The following MVB12B variants were observed in gnomAD, a reference collection of about 807,000 sequenced individuals.
MVB12B encodes ESCRT-I complex subunit MVB12B.
A neutral mutation model predicts 41.6 loss-of-function variants in MVB12B; 16 were observed. That is an observed-to-expected ratio of 0.38 (90% CI 0.26 to 0.58). MVB12B has a LOEUF of 0.58. MVB12B is among the 20% of genes least tolerant of loss of function. The pLI is 0.62. For synonymous variants in MVB12B, 133 were observed against 139.7 expected, an observed-to-expected ratio of 0.95 and a Z score of 0.34; for missense variants, 274 against 380.2, an observed-to-expected ratio of 0.72 and a Z score of 2.32.
intron 9 of MVB12B, among the ~76,000 whole-genome samples, chr9:126,496,558 G>A (rs1548788): frequency 0.26 from 39,315 of 150,822 alleles, 6,289 homozygotes; most frequent in African/African-American, 0.45. Flanking sequence ...TGAGCATGAG[G>A]AGGGTATAGA....
At chr9:126,406,724 G>A (rs370589924) in intron 6 of MVB12B, among the ~76,000 whole-genome samples, 4 of 152,100 alleles carry the variant, frequency 2.6e-5, no homozygotes, top group Non-Finnish European at 5.9e-5. Flanking sequence ...ATGGGAGGTC[G>A]GTGTTTTGGC....
intron 2 of MVB12B, among the ~76,000 whole-genome samples, chr9:126,350,096 T>C (rs1277165566): frequency 6.6e-6 from 1 of 152,240 alleles, no homozygotes; most frequent in Non-Finnish European, 1.5e-5. Context: ...TAATGAATGA[T>C]GTTGAACATC....
At chr9:126,404,831 T>C (rs1831372468) in intron 6 of MVB12B, among the ~76,000 whole-genome samples, 1 of 152,222 alleles carries the variant, frequency 6.6e-6, no homozygotes, top group Non-Finnish European at 1.5e-5. Flanking sequence ...GAGAGTGGCA[T>C]GAAAGAGACC....
chr9:126,350,383 G>A (rs1171489008), intron 2 of MVB12B, among the ~76,000 whole-genome samples: 1 of 152,072 alleles, frequency 6.6e-6, no homozygotes, highest in African/African-American at 2.4e-5. Context: ...TCATGTTTTG[G>A]TGTCAAGTCT....
At chr9:126,382,438 G>A (rs1343154376) in intron 3 of MVB12B, among the ~76,000 whole-genome samples, 1 of 152,224 alleles carries the variant, frequency 6.6e-6, no homozygotes, top group African/African-American at 2.4e-5. Context: ...TTATAATGGA[G>A]TCAGGGGAAA....
intron 2 of MVB12B, among the ~76,000 whole-genome samples, chr9:126,342,332 A>G (rs1829467711): frequency 6.6e-6 from 1 of 152,090 alleles, no homozygotes; most frequent in Non-Finnish European, 1.5e-5. Flanking sequence ...TATCTTTAGC[A>G]TTCCGTTTGT....
chr9:126,397,305 C>T, intron 6 of MVB12B: 1 of 985,452 alleles, frequency 1.0e-6, no homozygotes, highest in Non-Finnish European at 1.2e-6. Context: ...CTCTCAGAAG[C>T]CTGCTGGTGA....
chr9:126,485,877 T>A (rs1373257720), intron 9 of MVB12B, among the ~76,000 whole-genome samples: 5 of 152,180 alleles, frequency 3.3e-5, no homozygotes, highest in Non-Finnish European at 7.3e-5. Flanking sequence ...GCTTCTCTTC[T>A]GTAGAGCGGG....
At chr9:126,454,103 C>T (rs1832933930) in intron 7 of MVB12B, among the ~76,000 whole-genome samples, 1 of 152,226 alleles carries the variant, frequency 6.6e-6, no homozygotes, top group Admixed American at 6.5e-5. Context: ...CATTTTAAAA[C>T]CTGCTTTCTG....
Position 126,395,601 on chromosome 9 carries a change from A to G in MVB12B, c.566A>G (p.Tyr189Cys). The change falls in exon 6 of 10, where the codon TAT becomes TGT. Residue 189 changes from tyrosine to cysteine, a missense_variant. Coordinates refer to ENST00000361171, the MANE Select transcript of MVB12B (RefSeq NM_033446.3). The surrounding 1 kb of genome is among the most constrained non-coding windows in gnomAD (Gnocchi z 4.9). Reference protein sequence around the residue: ...IGELNSMGIWYRMGRVPRNHD... With the variant: ...IGELNSMGIWCRMGRVPRNHD... ...GAACTGAACAGCATGGGGATCTGGT[A>G]TCGAATGGGCAGAGTACCAAGAAAT... 2 of 1,614,218 alleles carry G rather than the reference A, an allele frequency of 1.2e-6. No individual in the cohort carries two copies. The highest frequency in any genetic ancestry group is 8.5e-7 in the Non-Finnish European group (1 of 1,180,034).
intron 7 of MVB12B, among the ~76,000 whole-genome samples, chr9:126,435,015 C>G (rs1451995229): frequency 6.6e-6 from 1 of 151,974 alleles, no homozygotes; most frequent in Non-Finnish European, 1.5e-5. Flanking sequence ...ACTGGTTCAC[C>G]CTTTTGTATC....
At chr9:126,454,673 T>C (rs754170878) in intron 7 of MVB12B, among the ~76,000 whole-genome samples, 6 of 152,250 alleles carry the variant, frequency 3.9e-5, no homozygotes, top group Non-Finnish European at 8.8e-5. Context: ...ATAAGTGAGA[T>C]GGAAGTGAAT....
chr9:126,453,232 G>T (rs752164917), intron 7 of MVB12B, among the ~76,000 whole-genome samples: 12 of 152,158 alleles, frequency 7.9e-5, no homozygotes, highest in Non-Finnish European at 1.3e-4. Context: ...CCCCACAGAC[G>T]TGCCACCTCC....
chr9:126,371,187 A>G (rs1369620043), intron 2 of MVB12B, among the ~76,000 whole-genome samples: 2 of 152,196 alleles, frequency 1.3e-5, no homozygotes, highest in Non-Finnish European at 2.9e-5. Flanking sequence ...GACCAGCCGC[A>G]AGGCAACCTC....
At chr9:126,463,713 A>G (rs1400694894) in intron 7 of MVB12B, among the ~76,000 whole-genome samples, 2 of 152,114 alleles carry the variant, frequency 1.3e-5, no homozygotes, top group African/African-American at 2.4e-5. Context: ...TCCATCCCCA[A>G]TTCTCTGGGC....
At chr9:126,455,835 C>T (rs1252488000) in intron 7 of MVB12B, among the ~76,000 whole-genome samples, 1 of 150,614 alleles carries the variant, frequency 6.6e-6, no homozygotes, top group African/African-American at 2.4e-5. Context: ...GTTTTGCTGT[C>T]GTGGTGGTTC....
At chr9:126,414,779 C>A (rs1831760606) in intron 6 of MVB12B, among the ~76,000 whole-genome samples, 1 of 151,998 alleles carries the variant, frequency 6.6e-6, no homozygotes, top group Admixed American at 6.5e-5. Flanking sequence ...AAACTGCTGT[C>A]CATAAGTGCA....
chr9:126,329,075 G>A (rs891794835), intron 1 of MVB12B, among the ~76,000 whole-genome samples: 14 of 152,052 alleles, frequency 9.2e-5, no homozygotes, highest in African/African-American at 3.1e-4. Context: ...GAGCCACCAC[G>A]CCTGGCCTAT....
intron 7 of MVB12B, among the ~76,000 whole-genome samples, chr9:126,465,477 C>T (rs1041372854): frequency 1.3e-5 from 2 of 152,158 alleles, no homozygotes; most frequent in Non-Finnish European, 2.9e-5. Flanking sequence ...AACCCTTTTA[C>T]TCTCAGATGG....
Sources: gnomAD v4.1 joint callset for allele counts (sites outside exome capture counted in the v4.1 genomes callset) on GRCh38, gnomAD v4.1.1 for gene constraint, Gnocchi (gnomAD v3.1) non-coding constraint, MANE v1.5 for transcripts, NCBI Gene and HGNC (gene_info 2026-07-23, HGNC 2026-07-21) for gene names.